The following TMPRSS11F variants were observed in gnomAD, a reference collection of about 807,000 sequenced individuals.
TMPRSS11F encodes transmembrane serine protease 11F.
A neutral mutation model predicts 60.2 loss-of-function variants in TMPRSS11F; 47 were observed. That is an observed-to-expected ratio of 0.78 (90% CI 0.62 to 1.00). TMPRSS11F has a LOEUF of 1.00. Among genes scored for constraint, TMPRSS11F ranks in the 50% least tolerant of loss-of-function variants. The pLI, the probability that TMPRSS11F is intolerant of heterozygous loss-of-function variation, is 0.00. For synonymous variants in TMPRSS11F, 166 were observed against 167.3 expected, an observed-to-expected ratio of 0.99 and a Z score of 0.06; for missense variants, 519 against 522.9, an observed-to-expected ratio of 0.99 and a Z score of 0.07.
chr4:68,118,442 T>A (rs1266843802), intron 1 of TMPRSS11F, among the ~76,000 whole-genome samples: 2 of 152,114 alleles, frequency 1.3e-5, no homozygotes, highest in Admixed American at 6.6e-5. Flanking sequence ...AAAACATTTT[T>A]AAAAAAATAC....
In TMPRSS11F at chr4:68,076,637, C is replaced by G. The variant is rs79542584; in HGVS notation, c.283-2628G>C. Among the ~76,000 whole-genome samples the G allele has an allele frequency of 9.8e-3, 1,497 of 152,256 alleles. 91 individuals are homozygous for G. The East Asian group carries it at 0.19, about 19-fold the overall frequency. ...TAAAGAGAAAAGGTTTTGAAAGACA[C>G]GCTCAATCCAGACCAGAGTCCTATT... On this transcript the variant is annotated intron_variant, in intron 3 of 9. Transcript: ENST00000356291.
At chr4:68,084,799 A>T (rs1335405747) in intron 3 of TMPRSS11F, among the ~76,000 whole-genome samples, 3 of 149,266 alleles carry the variant, frequency 2.0e-5, no homozygotes, top group African/African-American at 7.4e-5. Context: ...TTAGTTACAT[A>T]TGTATACATG....
chr4:68,105,540 G>A (rs1175988511), intron 1 of TMPRSS11F, among the ~76,000 whole-genome samples: 1 of 152,108 alleles, frequency 6.6e-6, no homozygotes, highest in Non-Finnish European at 1.5e-5. Flanking sequence ...GGCTTTGTCA[G>A]ACCCAAAATA....
intron 3 of TMPRSS11F, among the ~76,000 whole-genome samples, chr4:68,075,753 G>A (rs1008029639): frequency 2.0e-5 from 3 of 152,130 alleles, no homozygotes; most frequent in Non-Finnish European, 4.4e-5. Context: ...CCAGCACTCT[G>A]GGAGGCCAAG....
At chr4:68,082,651 G>A (rs1055633284) in intron 3 of TMPRSS11F, among the ~76,000 whole-genome samples, 1 of 152,236 alleles carries the variant, frequency 6.6e-6, no homozygotes, top group Non-Finnish European at 1.5e-5. Flanking sequence ...CCAACCCCAT[G>A]AGGCCAGAAG....
intron 6 of TMPRSS11F, among the ~76,000 whole-genome samples, chr4:68,069,146 G>T (rs1220992393): frequency 6.6e-6 from 1 of 152,120 alleles, no homozygotes; most frequent in Non-Finnish European, 1.5e-5. Context: ...TTTTAGATGA[G>T]AAAATTAAGC....
At chr4:68,073,478 CAAG>C (rs1187090821) in intron 4 of TMPRSS11F, among the ~76,000 whole-genome samples, 2 of 151,332 alleles carry the variant, frequency 1.3e-5, no homozygotes, top group Non-Finnish European at 2.9e-5. Context: ...AGGAAAAAGT[CAAG>C]AAGGTATGAA....
chr4:68,086,501 C>G (rs1723816395), intron 3 of TMPRSS11F, among the ~76,000 whole-genome samples: 1 of 151,718 alleles, frequency 6.6e-6, no homozygotes, highest in Admixed American at 6.6e-5. Context: ...CCAAAGCTAG[C>G]AAAATAAAAG....
intron 3 of TMPRSS11F, among the ~76,000 whole-genome samples, chr4:68,085,323 A>G (rs941839386): frequency 6.6e-6 from 1 of 151,660 alleles, no homozygotes; most frequent in Non-Finnish European, 1.5e-5. Flanking sequence ...GACTTCCACA[A>G]TGGTTGAACT....
chr4:68,121,276 T>G (rs1724621012), intron 1 of TMPRSS11F, among the ~76,000 whole-genome samples: 1 of 152,180 alleles, frequency 6.6e-6, no homozygotes, highest in Non-Finnish European at 1.5e-5. Flanking sequence ...TCTTAAGGAA[T>G]CAAATTCTGT....
chr4:68,092,894 G>A (rs1231001003), intron 2 of TMPRSS11F, among the ~76,000 whole-genome samples: 2 of 138,030 alleles, frequency 1.4e-5, no homozygotes, highest in African/African-American at 5.3e-5. Flanking sequence ...TTTTAAAAGT[G>A]CTAAAAATAT....
intron 1 of TMPRSS11F, among the ~76,000 whole-genome samples, chr4:68,100,356 A>C (rs1484740972): frequency 4.6e-5 from 7 of 152,138 alleles, no homozygotes. Flanking sequence ...GAAGATTTAG[A>C]AAAGTCACAC....
At chr4:68,060,033 G>A (rs1476807960) in intron 8 of TMPRSS11F, among the ~76,000 whole-genome samples, 1 of 152,142 alleles carries the variant, frequency 6.6e-6, no homozygotes, top group Non-Finnish European at 1.5e-5. Flanking sequence ...ATACTGCACA[G>A]TTGAATATCG....
intron 2 of TMPRSS11F, among the ~76,000 whole-genome samples, chr4:68,094,917 A>C (rs1478069884): frequency 1.3e-5 from 2 of 152,054 alleles, no homozygotes; most frequent in Non-Finnish European, 2.9e-5. Context: ...TGAAAAATTT[A>C]TCTGGGTCAT....
At chr4:68,115,622 A>G (rs1057002965) in intron 1 of TMPRSS11F, among the ~76,000 whole-genome samples, 4 of 152,272 alleles carry the variant, frequency 2.6e-5, no homozygotes, top group African/African-American at 9.6e-5. Flanking sequence ...TATAAAGAAA[A>G]TCCTTGAGAA....
At chr4:68,107,798 G>A (rs1724333100) in intron 1 of TMPRSS11F, among the ~76,000 whole-genome samples, 1 of 152,164 alleles carries the variant, frequency 6.6e-6, no homozygotes, top group South Asian at 2.1e-4. Flanking sequence ...TTAGCTGGGT[G>A]TGGTAGCACT....
intron 1 of TMPRSS11F, among the ~76,000 whole-genome samples, chr4:68,101,994 T>G (rs902602207): frequency 1.3e-5 from 2 of 152,158 alleles, no homozygotes; most frequent in Non-Finnish European, 2.9e-5. Context: ...CCCATTTAAT[T>G]GCCCCTATAA....
At chr4:68,101,352 G>A (rs537125088) in intron 1 of TMPRSS11F, among the ~76,000 whole-genome samples, 2 of 152,138 alleles carry the variant, frequency 1.3e-5, no homozygotes, top group East Asian at 3.9e-4. Flanking sequence ...TACCCTAATT[G>A]TGGAAAAAAG....
rs72853399 is a variant in TMPRSS11F at position 68,083,182 on chromosome 4, T to C, written c.282+7341A>G. 4.4e-3 allele frequency among the ~76,000 whole-genome samples: 670 copies of C among 152,302 alleles called. 5 individuals are homozygous for C. Among genetic ancestry groups the C allele is most frequent in the African/African-American group, 0.014 (561 of 41,552 alleles). On this transcript the variant is annotated intron_variant, in intron 3 of 9. Transcript: ENST00000356291. ...TTCAGATATACCCCACAACCTGCTCTGACTCCATTAAGCTTCCACAACATT... is the reference window on the plus strand; with the variant it reads ...TTCAGATATACCCCACAACCTGCTCCGACTCCATTAAGCTTCCACAACATT...
Sources: gnomAD v4.1 joint callset for allele counts (sites outside exome capture counted in the v4.1 genomes callset) on GRCh38, gnomAD v4.1.1 for gene constraint, MANE v1.5 for transcripts, NCBI Gene and HGNC (gene_info 2026-07-23, HGNC 2026-07-21) for gene names.